Variants in NFIB observed in about 807,000 individuals in gnomAD.
The protein encoded by NFIB is nuclear factor 1 B-type.
In NFIB, 11 loss-of-function variants were observed where a neutral mutation model predicts 61.5. The ratio of observed to expected loss-of-function variants is 0.18; its 90% confidence interval spans 0.11 to 0.30. The LOEUF is 0.30. Ranked by LOEUF, NFIB falls within the 10% of genes least tolerant of loss-of-function variation. NFIB has a pLI of 1.00. For missense variants in NFIB, 471 were observed against 608.9 expected (o/e 0.77, Z 2.38); for synonymous variants, 260 against 216.5 (o/e 1.20, Z -1.76).
At chr9:14,179,052 C>T (rs2046468724) in intron 3 of NFIB, among the ~76,000 whole-genome samples, 1 of 152,012 alleles carries the variant, frequency 6.6e-6, no homozygotes, top group South Asian at 2.1e-4. Flanking sequence ...ACTGCTTGTG[C>T]TAGTTTTATC....
At chr9:14,342,677 A>T (rs2060966295) in intron 1 of NFIB, among the ~76,000 whole-genome samples, 1 of 152,096 alleles carries the variant, frequency 6.6e-6, no homozygotes, top group Admixed American at 6.5e-5. Context: ...CCTAGCTAAT[A>T]AGTGGCCAAT....
At chr9:14,256,721 A>ACCT (rs1175048708) in intron 2 of NFIB, among the ~76,000 whole-genome samples, 1 of 152,208 alleles carries the variant, frequency 6.6e-6, no homozygotes, top group African/African-American at 2.4e-5. Flanking sequence ...ACCCAAAGTG[A>ACCT]CAAGACCATT....
chr9:14,191,054 G>A (rs559483777), intron 2 of NFIB, among the ~76,000 whole-genome samples: 66 of 151,604 alleles, frequency 4.4e-4, no homozygotes, highest in Non-Finnish European at 7.5e-4. Flanking sequence ...TTAGCTGGGC[G>A]TAGTGGTGGG....
chr9:14,114,166 A>C (rs533967680), intron 9 of NFIB, among the ~76,000 whole-genome samples: 90 of 152,288 alleles, frequency 5.9e-4, no homozygotes, highest in African/African-American at 2.0e-3. Flanking sequence ...AATTTGATCC[A>C]TGGAAGCTTT....
At chr9:14,168,465 G>A (rs57136085) in intron 3 of NFIB, among the ~76,000 whole-genome samples, 2,498 of 152,290 alleles carry the variant, frequency 0.016, 77 homozygotes, top group African/African-American at 0.057. Flanking sequence ...GAAACAACAT[G>A]AGCAAAGATA....
intron 2 of NFIB, among the ~76,000 whole-genome samples, chr9:14,206,872 G>A (rs1176135618): frequency 2.0e-5 from 3 of 152,096 alleles, no homozygotes; most frequent in South Asian, 2.1e-4. Flanking sequence ...ACAGTGCAAC[G>A]CATATAAAAT....
intron 6 of NFIB, among the ~76,000 whole-genome samples, chr9:14,139,059 T>C (rs916343563): frequency 5.3e-5 from 8 of 152,136 alleles, no homozygotes. Context: ...AAAGTGTCCC[T>C]CTGGGAAGAC....
intron 2 of NFIB, among the ~76,000 whole-genome samples, chr9:14,243,778 A>G (rs1426015590): frequency 2.6e-5 from 4 of 152,202 alleles, no homozygotes; most frequent in Non-Finnish European, 4.4e-5. Context: ...CTCAAAGACC[A>G]GGAAACCCTA....
chr9:14,224,124 C>T (rs900258359), intron 2 of NFIB, among the ~76,000 whole-genome samples: 2 of 152,188 alleles, frequency 1.3e-5, no homozygotes, highest in Non-Finnish European at 2.9e-5. Flanking sequence ...TTTGCCTGAA[C>T]AATTAACAGC....
At chr9:14,286,391 A>G (rs568891957) in intron 2 of NFIB, among the ~76,000 whole-genome samples, 1 of 152,322 alleles carries the variant, frequency 6.6e-6, no homozygotes, top group African/African-American at 2.4e-5. Flanking sequence ...ACATGCTACA[A>G]GATGTCATAA....
intron 2 of NFIB, among the ~76,000 whole-genome samples, chr9:14,270,261 CTAT>C (rs1231655096): frequency 1.3e-5 from 2 of 152,024 alleles, no homozygotes; most frequent in Admixed American, 6.6e-5. Context: ...TGTACAGTTA[CTAT>C]TATTATTTAT....
intron 2 of NFIB, among the ~76,000 whole-genome samples, chr9:14,263,453 T>C (rs925499723): frequency 4.6e-5 from 7 of 152,192 alleles, no homozygotes; most frequent in African/African-American, 1.7e-4. Flanking sequence ...CATACCCGTA[T>C]TTACCTGTGG....
chr9:14,411,211 A>G, the NFIB span, among the ~76,000 whole-genome samples: 13 of 152,230 alleles, frequency 8.5e-5, no homozygotes, highest in African/African-American at 3.1e-4. Flanking sequence ...AGACAAAAAG[A>G]AGTTTCAGTG....
chr9:14,448,096 T>A, the NFIB span, among the ~76,000 whole-genome samples: 5 of 152,296 alleles, frequency 3.3e-5, no homozygotes, highest in Admixed American at 2.6e-4. Flanking sequence ...ATAGATGGGA[T>A]TGAGAAAAAG....
chr9:14,213,644 C>T (rs1026725329), intron 2 of NFIB, among the ~76,000 whole-genome samples: 3 of 152,180 alleles, frequency 2.0e-5, no homozygotes, highest in Non-Finnish European at 4.4e-5. Flanking sequence ...GATGTAGCTT[C>T]TCTCCAGAAG....
chr9:14,493,338 T>C, the NFIB span, among the ~76,000 whole-genome samples: 1 of 152,174 alleles, frequency 6.6e-6, no homozygotes, highest in Non-Finnish European at 1.5e-5. Context: ...TTACCAGGAA[T>C]AAGCACTGGT....
chr9:14,231,136 ATATATATATATATATAT>A (rs2053138321), intron 2 of NFIB, among the ~76,000 whole-genome samples: 2 of 20,878 alleles, frequency 9.6e-5, no homozygotes, highest in African/African-American at 1.2e-4. Flanking sequence ...AAAAAAAAAA[ATATATATATATATATAT>A]ATATATATAT....
chr9:14,518,355 T>C, the NFIB span, among the ~76,000 whole-genome samples: 4 of 152,258 alleles, frequency 2.6e-5, no homozygotes, highest in South Asian at 6.2e-4. Flanking sequence ...GAACTGAGCT[T>C]CTTTTCCTGC....
intron 6 of NFIB, among the ~76,000 whole-genome samples, chr9:14,134,664 G>C (rs1238247381): frequency 2.0e-5 from 3 of 152,098 alleles, no homozygotes; most frequent in Non-Finnish European, 4.4e-5. Context: ...GGCCGAGGCG[G>C]GTGGATCAAG....
Sources: allele counts gnomAD v4.1 joint callset (sites outside exome capture counted in the v4.1 genomes callset), GRCh38; gene constraint gnomAD v4.1.1; transcripts MANE v1.5; gene names NCBI Gene and HGNC (gene_info 2026-07-23, HGNC 2026-07-21).